Variants in ZNF653 observed in about 807,000 individuals in gnomAD.
ZNF653 encodes the protein 67 kDa zinc finger protein.
Under a neutral mutation model 59.9 loss-of-function variants are expected in ZNF653, and 37 were observed. The ratio of observed to expected loss-of-function variants is 0.62; its 90% confidence interval spans 0.48 to 0.81. The LOEUF (loss-of-function observed/expected upper bound fraction) is 0.81. Among genes scored for constraint, ZNF653 ranks in the 40% least tolerant of loss-of-function variants. ZNF653 has a pLI of 0.00. For synonymous variants in ZNF653, 435 were observed against 371.8 expected (o/e 1.17, Z -1.96); for missense variants, 808 against 881.1 (o/e 0.92, Z 1.05).
chr19:11,484,216 AG>A, intron 7 of ZNF653, 75 bp from the exon 8 acceptor site: 1 of 1,161,398 alleles, frequency 8.6e-7, no homozygotes, highest in Non-Finnish European at 1.3e-6. Context: ...CTCTGATGCT[AG>A]AAGGAGCATC....
intron 3 of ZNF653, among the ~76,000 whole-genome samples, chr19:11,489,059 C>G (rs112532314): frequency 6.6e-6 from 1 of 151,796 alleles, no homozygotes; most frequent in African/African-American, 2.4e-5. Flanking sequence ...ACCACCACAC[C>G]TGGCTAATTT....
Position 11,498,303 on chromosome 19 carries a change from C to G in ZNF653, c.336G>C (p.Arg112=). 6.2e-7 allele frequency: 1 copy of G among 1,614,120 alleles called. No homozygotes were observed. Reference sequence around the variant, plus strand: ...GGCTGAGCCTCCACTTACTTTTCTTCCGCTTTGGCTTTTTGGGGACCTGCT... The same window carrying G: ...GGCTGAGCCTCCACTTACTTTTCTTGCGCTTTGGCTTTTTGGGGACCTGCT... The part of the protein sequence containing the change: ...PWEQVPKKPK[R]KKRRRRNVNC... Residue 112 remains arginine, a synonymous_variant, in exon 2 of 9, where the codon CGG becomes CGC. Transcript: ENST00000293771.
In ZNF653 at chr19:11,483,537, C is replaced by G. The variant is rs1160001751; in HGVS notation, c.*145G>C. On this transcript the variant is annotated 3_prime_UTR_variant, in exon 9 of 9. Transcript: ENST00000293771. ...CGGTGGGGCGGGGTGGGGAACCTGC[C>G]CAGGGGGCCCAGCTCTGGGGCGGGG... 8.5e-6 allele frequency: 12 copies of G among 1,407,844 alleles called. No individual in the cohort carries two copies. The highest frequency in any genetic ancestry group is 1.5e-5 in the African/African-American group (1 of 67,140). The allele number at this position is 1,407,844 out of a possible 1,614,324, so 87.2% of individuals were successfully genotyped here.
intron 6 of ZNF653, among the ~76,000 whole-genome samples, chr19:11,486,249 G>A (rs759292143): frequency 7.2e-5 from 11 of 152,188 alleles, no homozygotes; most frequent in African/African-American, 1.4e-4. Context: ...GTGAGCCACC[G>A]CACCTGGCCA....
At position 11,505,632 on chromosome 19, in the gene ZNF653, C is replaced by T. The variant is rs1971711631; in HGVS notation, c.155G>A (p.Arg52Gln). 9.3e-6 allele frequency: 14 copies of T among 1,500,874 alleles called. No homozygotes were observed. The highest frequency in any genetic ancestry group is 1.2e-5 in the Non-Finnish European group (14 of 1,132,088). The allele number at this position is 1,500,874 out of a possible 1,614,324, so 93.0% of individuals were successfully genotyped here. A position where few individuals can be genotyped will look rare whatever the true frequency, so the allele number is the denominator to read the frequency against. ...SDRARRRLESRKKYDVRRVYL... is the reference protein window; with the variant it reads ...SDRARRRLESQKKYDVRRVYL... Reference sequence around the variant, plus strand: ...CACGCGCCGCACGTCGTACTTCTTCCGGGACTCGAGCCGTCGCCGGGCCCG... The same window carrying T: ...CACGCGCCGCACGTCGTACTTCTTCTGGGACTCGAGCCGTCGCCGGGCCCG... Residue 52 changes from arginine (R) to glutamine (Q), a missense_variant, in exon 1 of 9, where the codon CGG (arginine) becomes CAG (glutamine). Transcript: ENST00000293771.
intron 1 of ZNF653, 67 bp downstream of exon 1, chr19:11,505,420 GC>G: frequency 7.4e-7 from 1 of 1,344,940 alleles, no homozygotes; most frequent in Non-Finnish European, 9.5e-7. Context: ...AGCGGAGGGG[GC>G]GGGGTAAAGC....
rs1408717385 is a variant in ZNF653, at chr19:11,495,386, G to A, written c.559+564C>T. ...AGACAGAAAATGAAAGATCAAGGAA[G>A]GAGGAGACAGAGGCAGCTCAAGGGA... On this transcript the variant is annotated intron_variant, in intron 3 of 8. Coordinates refer to ENST00000293771, the MANE Select transcript of ZNF653 (RefSeq NM_138783.4). The surrounding 1 kb of genome is among the most constrained non-coding windows in gnomAD (Gnocchi z 4.9). 3.9e-5 allele frequency among the ~76,000 whole-genome samples: 6 copies of A among 152,162 alleles called. No homozygotes were observed. The highest frequency in any genetic ancestry group is 7.4e-5 in the Non-Finnish European group (5 of 68,026).
rs1488814986 is a variant in ZNF653, at chr19:11,498,419, G to C, written c.300-80C>G. Reference sequence around the variant, plus strand: ...GACCCATGAGTAACAACAGTGGCTAGAGCCACTGCTCATTGTACACTGAAA... The same window carrying C: ...GACCCATGAGTAACAACAGTGGCTACAGCCACTGCTCATTGTACACTGAAA... On this transcript the variant is annotated intron_variant, in intron 1 of 8. Transcript: ENST00000293771. 7.7e-6 allele frequency: 12 copies of C among 1,548,940 alleles called. No homozygotes were observed. The East Asian group carries it at 1.1e-4, about 15-fold the overall frequency.
Position 11,505,541 on chromosome 19 carries a change from C to T in ZNF653, c.246G>A (p.Lys82=). The T allele has an allele frequency of 6.6e-7, 1 of 1,514,882 alleles. No homozygotes were observed. Among genetic ancestry groups the T allele is most frequent in the Non-Finnish European group, 8.7e-7 (1 of 1,143,028 alleles). The allele number at this position is 1,514,882 out of a possible 1,614,324, so 93.8% of individuals were successfully genotyped here. The change falls in exon 1 of 9, where the codon AAG becomes AAA. Residue 82 remains lysine, a synonymous_variant. Transcript: ENST00000293771. Reference sequence around the variant, plus strand: ...CCAGAGAGATGAGGTAGGCGGCGAGCTTGGCGTCGCTCCAGCCGCTGCGGC... The same window carrying T: ...CCAGAGAGATGAGGTAGGCGGCGAGTTTGGCGTCGCTCCAGCCGCTGCGGC... ...LRRRSGWSDA[K]LAAYLISLER...
chr19:11,505,000 T>G (rs1971693725), intron 1 of ZNF653: 1 of 154,642 alleles, frequency 6.5e-6, no homozygotes, highest in African/African-American at 2.4e-5. Flanking sequence ...CCCCCGGATG[T>G]GTTGGATCTA....
rs1599558668 is a variant in ZNF653 at position 11,483,643 on chromosome 19, A to G, written c.*39T>C. ...CCGGCAAGCCCGGGCGTGGTGTCCG[A>G]GCGGACGAATAAATAGGGGCGGTCA... is the stretch of plus-strand genomic sequence containing the variant. On this transcript the variant is annotated 3_prime_UTR_variant, in exon 9 of 9. Coordinates refer to ENST00000293771, the MANE Select transcript of ZNF653 (RefSeq NM_138783.4). 1.3e-6 allele frequency: 2 copies of G among 1,595,082 alleles called. No homozygotes were observed. Among genetic ancestry groups the G allele is most frequent in the Non-Finnish European group, 1.7e-6 (2 of 1,165,780 alleles).
intron 1 of ZNF653, among the ~76,000 whole-genome samples, chr19:11,501,595 C>G (rs1971645044): frequency 6.6e-6 from 1 of 152,116 alleles, no homozygotes; most frequent in Non-Finnish European, 1.5e-5. Flanking sequence ...GTCACACACT[C>G]TCCCATCACA....
In ZNF653 at chr19:11,505,650, C is replaced by T. The variant is rs141438248; in HGVS notation, c.137G>A (p.Arg46Gln). 1,128 of 1,497,346 alleles carry T rather than the reference C, an allele frequency of 7.5e-4. 13 individuals are homozygous for T. The East Asian group carries it at 0.025, about 34-fold the overall frequency. 92.8% of individuals were successfully genotyped at this position (1,497,346 alleles called of 1,614,324 possible). ...CTTCTTCCGGGACTCGAGCCGTCGC[C>T]GGGCCCGGTCCGACTCCGTGAGTCG... ...RPRLTESDRA[R>Q]RRLESRKKYD... is the part of the protein sequence containing the mutation. The change falls in exon 1 of 9, where the codon CGG becomes CAG. Residue 46 changes from arginine to glutamine, a missense_variant. Physicochemically the swap from Arg to Gln is conservative, Grantham distance 43 (BLOSUM62 1). Coordinates refer to ENST00000293771, the MANE Select transcript of ZNF653 (RefSeq NM_138783.4).
In ZNF653 at chr19:11,487,545, GGCC is replaced by G; in HGVS notation, c.915_917del (p.Ala306del). On this transcript the variant is annotated inframe_deletion, in exon 4 of 9. Coordinates refer to ENST00000293771, the MANE Select transcript of ZNF653 (RefSeq NM_138783.4). This position sits in a 1 kb window ranked among gnomAD's most constrained non-coding sequence, Gnocchi z 5.1. The stretch of plus-strand genomic sequence containing the variant: ...GCACCATGCCTGGCATGGGGCAGCT[GGCC>G]ACCACCTCACCCAGGGCCTCCTGGG... 6.2e-7 allele frequency: 1 copy of G among 1,613,966 alleles called. No homozygotes were observed. Among genetic ancestry groups the G allele is most frequent in the East Asian group, 2.2e-5 (1 of 44,874 alleles).
chr19:11,490,396 T>G (rs1295605588), intron 3 of ZNF653, among the ~76,000 whole-genome samples: 2 of 152,158 alleles, frequency 1.3e-5, no homozygotes, highest in Non-Finnish European at 1.5e-5. Flanking sequence ...TGTTGTTGTT[T>G]GTTTTTTTGA....
chr19:11,484,171 C>T (rs773368803), intron 7 of ZNF653, 30 bp from the exon 8 acceptor site: 6 of 1,520,934 alleles, frequency 3.9e-6, no homozygotes, highest in Non-Finnish European at 1.8e-6. Context: ...AGGCTGAGGA[C>T]GGTGGGCTAT....
intron 6 of ZNF653, 56 bp from the exon 7 acceptor site, chr19:11,485,826 AG>A (rs1203115960): frequency 1.7e-5 from 24 of 1,405,504 alleles, no homozygotes; most frequent in Non-Finnish European, 2.4e-5. Context: ...GGGCTCTGGG[AG>A]GTGGGGAGAG....
At chr19:11,505,431 C>T in intron 1 of ZNF653, 57 bp downstream of exon 1, 2 of 1,372,568 alleles carry the variant, frequency 1.5e-6, no homozygotes, top group South Asian at 3.3e-5. Flanking sequence ...CGGGGTAAAG[C>T]CCGGCGGGGT....
chr19:11,497,478 G>A (rs1007128541), intron 2 of ZNF653, among the ~76,000 whole-genome samples: 1 of 152,198 alleles, frequency 6.6e-6, no homozygotes, highest in East Asian at 1.9e-4. Context: ...CTCTAGGCTG[G>A]GGAGAATAAG....
Sources: gnomAD v4.1 joint callset for allele counts (sites outside exome capture counted in the v4.1 genomes callset) on GRCh38, gnomAD v4.1.1 for gene constraint, Gnocchi (gnomAD v3.1) non-coding constraint, MANE v1.5 for transcripts, NCBI Gene and HGNC (gene_info 2026-07-23, HGNC 2026-07-21) for gene names.